PCDHA6: variants seen among roughly 807,000 people sequenced by gnomAD.
PCDHA6 encodes protocadherin alpha-6.
A neutral mutation model predicts 60.3 loss-of-function variants in PCDHA6; 55 were observed. That is an observed-to-expected ratio of 0.91 (90% CI 0.73 to 1.14). The LOEUF is 1.14. Among genes scored for constraint, PCDHA6 ranks in the 50% most tolerant of loss-of-function variants. The probability of loss-of-function intolerance (pLI) is 0.00; values close to 1 mark genes in which losing one functional copy is unlikely to be tolerated. For missense variants in PCDHA6, 1,327 were observed against 1,256.5 expected (o/e 1.06, Z -0.85); for synonymous variants, 652 against 557.9 (o/e 1.17, Z -2.38).
At chr5:140,876,493 C>G in intron 1 of PCDHA6, 1 of 1,614,008 alleles carries the variant, frequency 6.2e-7, no homozygotes, top group South Asian at 1.1e-5. Flanking sequence ...GGTGGAAGTT[C>G]TGGACGTGAA....
chr5:141,000,391 C>CTATA (rs2097912428), intron 3 of PCDHA6, among the ~76,000 whole-genome samples: 2 of 56,664 alleles, frequency 3.5e-5, no homozygotes, highest in Non-Finnish European at 6.1e-5. Context: ...CTCTCTCTCT[C>CTATA]TCTCTATATA....
chr5:140,871,074 G>T (rs1210767724), intron 1 of PCDHA6: 10 of 1,613,214 alleles, frequency 6.2e-6, no homozygotes, highest in Middle Eastern at 3.3e-4. Context: ...GTGAGCCGGC[G>T]CTGACGGCCA....
chr5:140,966,714 G>C, intron 1 of PCDHA6: 1 of 1,394,064 alleles, frequency 7.2e-7, no homozygotes, highest in South Asian at 1.6e-5. Flanking sequence ...GGCACGGCTG[G>C]GGAAGCTGCC....
intron 2 of PCDHA6, among the ~76,000 whole-genome samples, chr5:140,981,687 A>ATCATTCAT (rs200213847): frequency 0.01 from 1,586 of 152,088 alleles, 32 homozygotes; most frequent in African/African-American, 0.036. Flanking sequence ...CCTCCCTTCC[A>ATCATTCAT]TCATTCATTC....
chr5:140,923,529 A>C lies in PCDHA6; in HGVS notation c.2395-55420A>C, dbSNP rs915297152. Among the ~76,000 whole-genome samples the C allele has an allele frequency of 1.5e-4, 23 of 152,138 alleles. 1 individual carries two copies. The highest frequency in any genetic ancestry group is 1.2e-3 in the Admixed American group (19 of 15,268). On this transcript the variant is annotated intron_variant, in intron 1 of 3. Transcript: ENST00000529310. ...GGATGATGAAGTGAGATTCTGTCCC[A>C]AAAAAAGGACAAAATGAAATATCAG... is the stretch of plus-strand genomic sequence containing the variant.
chr5:140,887,025 T>G (rs1352119867), intron 1 of PCDHA6, among the ~76,000 whole-genome samples: 3 of 152,076 alleles, frequency 2.0e-5, no homozygotes, highest in Non-Finnish European at 4.4e-5. Context: ...CCTGAAAAAT[T>G]TCTTTAATAT....
intron 1 of PCDHA6, among the ~76,000 whole-genome samples, chr5:140,890,695 A>T (rs1196447488): frequency 6.6e-6 from 1 of 152,200 alleles, no homozygotes; most frequent in Non-Finnish European, 1.5e-5. Context: ...AAATGCAGGG[A>T]CCTTACATTT....
intron 1 of PCDHA6, among the ~76,000 whole-genome samples, chr5:140,888,197 C>G (rs190439070): frequency 4.6e-5 from 7 of 152,044 alleles, no homozygotes; most frequent in Non-Finnish European, 8.8e-5. Flanking sequence ...TTTACATTGT[C>G]GGATGCTGGA....
Position 140,843,393 on chromosome 5 carries a change from C to T in PCDHA6, c.2394+12908C>T. ...TCGGCTGGCGTTTTGGGTCCGGAAG[C>T]GGCGCTGGTGGATGTCAACGTGTAC... On this transcript the variant is annotated intron_variant, in intron 1 of 3. Coordinates refer to ENST00000529310, the MANE Select transcript of PCDHA6 (RefSeq NM_018909.4). The T allele has an allele frequency of 1.9e-6, 3 of 1,596,052 alleles. 1 individual carries two copies. Among genetic ancestry groups the T allele is most frequent in the South Asian group, 2.2e-5 (2 of 90,510 alleles).
chr5:140,982,765 C>T (rs1345701735), intron 3 of PCDHA6, among the ~76,000 whole-genome samples: 2 of 151,722 alleles, frequency 1.3e-5, no homozygotes, highest in African/African-American at 2.4e-5. Flanking sequence ...AAAAGGATAA[C>T]AAGGAAAGTG....
chr5:140,896,902 G>C (rs1427098120), intron 1 of PCDHA6, among the ~76,000 whole-genome samples: 1 of 152,044 alleles, frequency 6.6e-6, no homozygotes, highest in Non-Finnish European at 1.5e-5. Context: ...TTTGATACAA[G>C]CATGCAATGC....
intron 1 of PCDHA6, chr5:140,849,864 C>G (rs1554143420): frequency 6.3e-7 from 1 of 1,598,642 alleles, no homozygotes; most frequent in South Asian, 1.1e-5. Context: ...AGCGTTCGCG[C>G]AGTCCGAGTA....
intron 1 of PCDHA6, chr5:140,928,189 G>A (rs1563102575): frequency 2.5e-6 from 4 of 1,614,214 alleles, no homozygotes; most frequent in Non-Finnish European, 3.4e-6. Context: ...GACAATCACT[G>A]TGTCAGTTGC....
intron 1 of PCDHA6, chr5:140,849,231 C>T (rs2040825064): frequency 9.5e-7 from 1 of 1,049,088 alleles, no homozygotes; most frequent in Admixed American, 2.7e-5. Context: ...CGACAGAACC[C>T]TGTATACGGT....
At chr5:140,873,255 C>T (rs1554166636) in intron 1 of PCDHA6, among the ~76,000 whole-genome samples, 1 of 152,074 alleles carries the variant, frequency 6.6e-6, no homozygotes, top group South Asian at 2.1e-4. Context: ...ATTTCAGACT[C>T]AAAAGTGATT....
At chr5:140,900,674 T>C (rs782072148) in intron 1 of PCDHA6, among the ~76,000 whole-genome samples, 11 of 152,230 alleles carry the variant, frequency 7.2e-5, no homozygotes, top group African/African-American at 2.4e-4. Context: ...AGTGCAGTTA[T>C]CTCTTCAATA....
At chr5:140,862,364 C>T in intron 1 of PCDHA6, 1 of 339,652 alleles carries the variant, frequency 2.9e-6, no homozygotes, top group Non-Finnish European at 5.8e-6. Flanking sequence ...ACAGACGACC[C>T]GCACCCTGAC....
At chr5:140,834,336 ATTCGAAGGCAAGTTTTGCTGACTAG>A in intron 1 of PCDHA6, 1 of 1,499,956 alleles carries the variant, frequency 6.7e-7, no homozygotes, top group Non-Finnish European at 9.0e-7. Context: ...ATTCCTATAA[ATTCGAAGGCAAGTTTTGCTGACTAG>A]AAAAACAAGC....
At chr5:140,832,690 A>T (rs1294300661) in intron 1 of PCDHA6, among the ~76,000 whole-genome samples, 1 of 152,324 alleles carries the variant, frequency 6.6e-6, no homozygotes, top group South Asian at 2.1e-4. Flanking sequence ...AATTAACAAG[A>T]CCTGGCTTCA....
Sources: allele counts gnomAD v4.1 joint callset (sites outside exome capture counted in the v4.1 genomes callset), GRCh38; gene constraint gnomAD v4.1.1; transcripts MANE v1.5; gene names NCBI Gene and HGNC (gene_info 2026-07-23, HGNC 2026-07-21).